Variants in ACTN2 observed in about 807,000 individuals in gnomAD.
The protein encoded by ACTN2 is actinin alpha 2, also known as alpha-actinin-2.
Under a neutral mutation model 113.8 loss-of-function variants are expected in ACTN2, and 39 were observed. The ratio of observed to expected loss-of-function variants is 0.34; its 90% confidence interval spans 0.27 to 0.45. The LOEUF (loss-of-function observed/expected upper bound fraction) is 0.45, where lower values mean the gene tolerates loss of function less well. ACTN2 is among the 20% of genes least tolerant of loss of function. ACTN2 has a pLI of 1.00. For missense variants in ACTN2, 992 were observed against 1,177.9 expected, an observed-to-expected ratio of 0.84 and a Z score of 2.31; for synonymous variants, 429 against 444.1, an observed-to-expected ratio of 0.97 and a Z score of 0.43.
chr1:236,712,927 T>C (rs969289735), intron 1 of ACTN2, among the ~76,000 whole-genome samples: 4 of 152,222 alleles, frequency 2.6e-5, no homozygotes, highest in African/African-American at 9.6e-5. Context: ...TTGCTTTTTT[T>C]TTTTTTTAAC....
intron 13 of ACTN2, among the ~76,000 whole-genome samples, chr1:236,748,334 C>G (rs1250711479): frequency 6.6e-6 from 1 of 152,144 alleles, no homozygotes; most frequent in Non-Finnish European, 1.5e-5. Flanking sequence ...CTGCTTGACT[C>G]TGATGATACT....
chr1:236,713,231 T>C (rs910131753), intron 1 of ACTN2, among the ~76,000 whole-genome samples: 3 of 151,834 alleles, frequency 2.0e-5, no homozygotes, highest in Admixed American at 6.6e-5. Context: ...TTTTTCTTTT[T>C]TTTTTTTTCT....
At chr1:236,694,242 G>A (rs1188214749) in intron 1 of ACTN2, among the ~76,000 whole-genome samples, 12 of 142,100 alleles carry the variant, frequency 8.4e-5, no homozygotes, top group East Asian at 2.0e-4. Context: ...TTTTTGAGAC[G>A]GAGTTTCACT....
In ACTN2 at chr1:236,686,671, G is replaced by T. The variant is rs201920417; in HGVS notation, c.-3G>T. On this transcript the variant is annotated 5_prime_UTR_variant, in exon 1 of 21. Transcript: ENST00000366578. ...CCGCCGCAGCCCCGGCCAACCGAGCGCCATGAACCAGATAGAGCCCGGCGT... is the reference window on the plus strand; with the variant it reads ...CCGCCGCAGCCCCGGCCAACCGAGCTCCATGAACCAGATAGAGCCCGGCGT... 139 of 1,555,236 alleles carry T rather than the reference G, an allele frequency of 8.9e-5. No homozygotes were observed. Among genetic ancestry groups the T allele is most frequent in the Non-Finnish European group, 9.6e-6 (11 of 1,150,932 alleles).
In ACTN2 at chr1:236,721,018, TTTTG is replaced by T. The variant is rs1435295602; in HGVS notation, c.448+831_448+834del. 6.2e-3 allele frequency among the ~76,000 whole-genome samples: 362 copies of T among 58,590 alleles called. 111 individuals carry two copies. The highest frequency in any genetic ancestry group is 0.053 in the South Asian group (78 of 1,482). The allele number at this position is 58,590 out of a possible 152,430, so 38.4% of individuals were successfully genotyped here. ...GTAGCCTCTGACTCTGGTTTTTGTT[TTTTG>T]TTTTTTTTTTTTTTTTTTTTTTTGA... On this transcript the variant is annotated intron_variant, in intron 4 of 20. Transcript: ENST00000366578.
At chr1:236,709,265 CACACACATATATATGT>C (rs1657937374) in intron 1 of ACTN2, among the ~76,000 whole-genome samples, 2 of 126,016 alleles carry the variant, frequency 1.6e-5, no homozygotes, top group African/African-American at 6.7e-5. Context: ...TACACACACA[CACACACATATATATGT>C]ATATATATGT....
At chr1:236,751,043 T>C (rs1659377581) in intron 14 of ACTN2, among the ~76,000 whole-genome samples, 1 of 141,498 alleles carries the variant, frequency 7.1e-6, no homozygotes. Context: ...TGAGCCATGA[T>C]TGCACCACTG....
chr1:236,716,529 T>G (rs1255539616), intron 1 of ACTN2, among the ~76,000 whole-genome samples: 1 of 152,168 alleles, frequency 6.6e-6, no homozygotes, highest in Non-Finnish European at 1.5e-5. Flanking sequence ...CAGCCGAAGA[T>G]TTGCCCTAGT....
chr1:236,711,746 C>T (rs1572106265), intron 1 of ACTN2, among the ~76,000 whole-genome samples: 3 of 152,248 alleles, frequency 2.0e-5, no homozygotes, highest in African/African-American at 7.2e-5. Flanking sequence ...TTTTATGTGC[C>T]TACTTTTTGG....
chr1:236,718,775 G>A (rs1051606194), intron 2 of ACTN2, 119 bp from the exon 3 acceptor site: 5 of 1,415,742 alleles, frequency 3.5e-6, no homozygotes, highest in Non-Finnish European at 4.0e-6. Flanking sequence ...GCACACATCA[G>A]AAATAGTCAT....
intron 5 of ACTN2, among the ~76,000 whole-genome samples, chr1:236,726,717 T>C (rs1658559760): frequency 6.6e-6 from 1 of 152,144 alleles, no homozygotes; most frequent in South Asian, 2.1e-4. Context: ...TTGGGGAGGT[T>C]CTTCTAGTTG....
At chr1:236,711,564 G>C (rs1658026804) in intron 1 of ACTN2, among the ~76,000 whole-genome samples, 1 of 152,162 alleles carries the variant, frequency 6.6e-6, no homozygotes, top group Admixed American at 6.5e-5. Context: ...TGATCAGGCT[G>C]GTCTTGAACT....
At chr1:236,699,880 G>A (rs551348167) in intron 1 of ACTN2, among the ~76,000 whole-genome samples, 1 of 152,314 alleles carries the variant, frequency 6.6e-6, no homozygotes, top group African/African-American at 2.4e-5. Flanking sequence ...AGGAAAATAA[G>A]TTTGAATGGT....
chr1:236,709,255 T>TATATATATATACACACAC (rs796606511), intron 1 of ACTN2, among the ~76,000 whole-genome samples: 2 of 68,908 alleles, frequency 2.9e-5, no homozygotes, highest in East Asian at 3.7e-4. Flanking sequence ...TATATATATA[T>TATATATATATACACACAC]ACACACACAC....
intron 7 of ACTN2, 130 bp downstream of exon 7, chr1:236,731,444 T>G: frequency 1.4e-6 from 1 of 717,434 alleles, no homozygotes; most frequent in Non-Finnish European, 2.5e-6. Flanking sequence ...CTAACAAATT[T>G]CTGTCACTGG....
At chr1:236,746,059 A>T (rs1367203152) in intron 12 of ACTN2, among the ~76,000 whole-genome samples, 1 of 150,614 alleles carries the variant, frequency 6.6e-6, no homozygotes, top group East Asian at 2.0e-4. Flanking sequence ...CCAACTACTC[A>T]GGAGGCTGAG....
intron 1 of ACTN2, among the ~76,000 whole-genome samples, chr1:236,701,443 A>G (rs886597723): frequency 6.6e-6 from 1 of 152,204 alleles, no homozygotes; most frequent in African/African-American, 2.4e-5. Context: ...TTAGAAGACC[A>G]AGCTTTGTAG....
intron 1 of ACTN2, among the ~76,000 whole-genome samples, chr1:236,713,640 G>C (rs1193379943): frequency 1.3e-5 from 2 of 151,144 alleles, no homozygotes; most frequent in Non-Finnish European, 2.9e-5. Flanking sequence ...ATATGCAAGA[G>C]ACTGATAGCT....
At chr1:236,693,974 TG>T (rs1004681706) in intron 1 of ACTN2, among the ~76,000 whole-genome samples, 3 of 152,114 alleles carry the variant, frequency 2.0e-5, no homozygotes, top group Non-Finnish European at 4.4e-5. Flanking sequence ...AAAGATCTCA[TG>T]TCCCTGATTG....
Sources: allele counts gnomAD v4.1 joint callset (sites outside exome capture counted in the v4.1 genomes callset), GRCh38; gene constraint gnomAD v4.1.1; transcripts MANE v1.5; gene names NCBI Gene and HGNC (gene_info 2026-07-23, HGNC 2026-07-21).